ADCY2: variants seen among roughly 807,000 people sequenced by gnomAD.
ADCY2 encodes adenylate cyclase 2, also known as adenylate cyclase type 2.
Under a neutral mutation model 125.2 loss-of-function variants are expected in ADCY2, and 31 were observed. The observed-to-expected ratio is 0.25, with a 90% confidence interval of 0.19 to 0.33. The LOEUF is 0.33. Among genes scored for constraint, ADCY2 ranks in the 10% least tolerant of loss-of-function variants. The probability of loss-of-function intolerance (pLI) is 1.00; values close to 1 mark genes in which losing one functional copy is unlikely to be tolerated. For synonymous variants in ADCY2, 512 were observed against 548.4 expected, an observed-to-expected ratio of 0.93 and a Z score of 0.93; for missense variants, 904 against 1,418.2, an observed-to-expected ratio of 0.64 and a Z score of 5.82.
At position 7,558,057 on chromosome 5, in the gene ADCY2, A is replaced by AT. The variant is rs368436342; in HGVS notation, c.570+37171dup. On this transcript the variant is annotated intron_variant, in intron 3 of 24. Coordinates refer to ENST00000338316, the MANE Select transcript of ADCY2 (RefSeq NM_020546.3). The stretch of plus-strand genomic sequence containing the variant: ...TTTGTTTTGTTTTGTTTTTGGTTTT[A>AT]TTTTTTTTTTTTTGAGATGGAGTCT... 5.0e-3 allele frequency among the ~76,000 whole-genome samples: 726 copies of AT among 146,076 alleles called. 5 individuals are homozygous for AT. The highest frequency in any genetic ancestry group is 0.025 in the Middle Eastern group (7 of 282).
intron 3 of ADCY2, 35 bp downstream of exon 3, chr5:7,520,934 T>C (rs1402393861): frequency 6.2e-7 from 1 of 1,610,870 alleles, no homozygotes; most frequent in Non-Finnish European, 8.5e-7. Flanking sequence ...AGAATGACTT[T>C]CCACATCCCA....
intron 2 of ADCY2, among the ~76,000 whole-genome samples, chr5:7,508,419 C>T (rs1474419220): frequency 3.9e-5 from 6 of 152,178 alleles, no homozygotes; most frequent in African/African-American, 1.4e-4. Flanking sequence ...TCCACAAGCT[C>T]AGCAGGAAGG....
intron 4 of ADCY2, among the ~76,000 whole-genome samples, chr5:7,688,298 C>A (rs1740592795): frequency 6.6e-6 from 1 of 150,822 alleles, no homozygotes; most frequent in South Asian, 2.1e-4. Context: ...GACAGAGTCT[C>A]ACTCTGTTGC....
chr5:7,718,782 C>G (rs1741672861), intron 12 of ADCY2, among the ~76,000 whole-genome samples: 1 of 152,050 alleles, frequency 6.6e-6, no homozygotes, highest in African/African-American at 2.4e-5. Context: ...CTCACCTCTG[C>G]CTCAAACTGT....
chr5:7,471,812 G>C (rs1403828018), intron 2 of ADCY2, among the ~76,000 whole-genome samples: 6 of 151,942 alleles, frequency 3.9e-5, no homozygotes, highest in African/African-American at 1.4e-4. Flanking sequence ...TGTATATTCT[G>C]ATTTGACAGC....
intron 3 of ADCY2, among the ~76,000 whole-genome samples, chr5:7,521,347 G>C (rs927078414): frequency 3.3e-5 from 5 of 150,912 alleles, no homozygotes; most frequent in African/African-American, 1.2e-4. Flanking sequence ...TTTCTATCAG[G>C]TCTATGAGCA....
At chr5:7,544,138 G>C (rs532624130) in intron 3 of ADCY2, among the ~76,000 whole-genome samples, 1 of 150,246 alleles carries the variant, frequency 6.7e-6, no homozygotes, top group African/African-American at 2.4e-5. Context: ...CCATGACAAA[G>C]AGCCCACCCA....
intron 15 of ADCY2, among the ~76,000 whole-genome samples, chr5:7,753,511 T>C (rs1247266072): frequency 1.3e-5 from 2 of 152,226 alleles, no homozygotes; most frequent in East Asian, 1.9e-4. Context: ...AAAATATTTT[T>C]TGAGATGTTG....
At chr5:7,816,301 T>C (rs1375922047) in intron 22 of ADCY2, among the ~76,000 whole-genome samples, 1 of 152,214 alleles carries the variant, frequency 6.6e-6, no homozygotes, top group Admixed American at 6.5e-5. Context: ...CAGTAGCCCT[T>C]GTCCTCCGTG....
chr5:7,790,095 C>T (rs1178189457), intron 20 of ADCY2, among the ~76,000 whole-genome samples: 1 of 152,104 alleles, frequency 6.6e-6, no homozygotes, highest in East Asian at 1.9e-4. Flanking sequence ...TTTTATGAGG[C>T]ACTAGGATCC....
intron 7 of ADCY2, among the ~76,000 whole-genome samples, chr5:7,701,337 A>G (rs1404714734): frequency 6.6e-6 from 1 of 152,218 alleles, no homozygotes; most frequent in Non-Finnish European, 1.5e-5. Context: ...CAGTTCCATA[A>G]TGTTTAAGTT....
chr5:7,419,672 T>A (rs1055392381), intron 2 of ADCY2, among the ~76,000 whole-genome samples: 2 of 152,078 alleles, frequency 1.3e-5, no homozygotes, highest in African/African-American at 2.4e-5. Context: ...AGCCCCCAGA[T>A]AAATAAACAC....
At chr5:7,712,278 G>T (rs2126365520) in intron 10 of ADCY2, among the ~76,000 whole-genome samples, 1 of 152,250 alleles carries the variant, frequency 6.6e-6, no homozygotes, top group East Asian at 1.9e-4. Flanking sequence ...ATTTGACAGT[G>T]GCTTTTCCAC....
At chr5:7,493,813 G>C (rs551537987) in intron 2 of ADCY2, among the ~76,000 whole-genome samples, 115 of 152,268 alleles carry the variant, frequency 7.6e-4, no homozygotes, top group African/African-American at 2.6e-3. Context: ...AAGTAAAAGA[G>C]GAAGTCTTCC....
At chr5:7,589,511 A>AG (rs1554022175) in intron 3 of ADCY2, among the ~76,000 whole-genome samples, 6 of 110,366 alleles carry the variant, frequency 5.4e-5, no homozygotes, top group African/African-American at 2.0e-4. Flanking sequence ...AGAAAGAAAG[A>AG]AAAGAAAAGA....
At chr5:7,463,288 C>A (rs1202401590) in intron 2 of ADCY2, among the ~76,000 whole-genome samples, 1 of 152,112 alleles carries the variant, frequency 6.6e-6, no homozygotes, top group African/African-American at 2.4e-5. Flanking sequence ...CCCCTCAATT[C>A]TGTGAAGATT....
intron 4 of ADCY2, among the ~76,000 whole-genome samples, chr5:7,666,444 A>G (rs1050842418): frequency 6.6e-5 from 10 of 151,404 alleles, no homozygotes; most frequent in Non-Finnish European, 1.2e-4. Flanking sequence ...AATTTTTTAT[A>G]TTTTTAGTAG....
intron 10 of ADCY2, among the ~76,000 whole-genome samples, chr5:7,711,461 T>C (rs1455804173): frequency 6.6e-6 from 1 of 152,220 alleles, no homozygotes; most frequent in Non-Finnish European, 1.5e-5. Flanking sequence ...ATAAGAATCA[T>C]ATATAAATAG....
At chr5:7,644,498 A>G (rs1007663541) in intron 4 of ADCY2, among the ~76,000 whole-genome samples, 6 of 152,116 alleles carry the variant, frequency 3.9e-5, no homozygotes, top group African/African-American at 1.2e-4. Flanking sequence ...GCCAGCTTTT[A>G]GCCCATCATA....
Sources: allele counts gnomAD v4.1 joint callset (sites outside exome capture counted in the v4.1 genomes callset), GRCh38; gene constraint gnomAD v4.1.1; transcripts MANE v1.5; gene names NCBI Gene and HGNC (gene_info 2026-07-23, HGNC 2026-07-21).